The following KCNIP4 variants were observed in gnomAD, a reference collection of about 807,000 sequenced individuals.
KCNIP4 encodes the protein Kv channel-interacting protein 4.
Under a neutral mutation model 34.0 loss-of-function variants are expected in KCNIP4, and 12 were observed. That is an observed-to-expected ratio of 0.35 (90% CI 0.23 to 0.57). KCNIP4 has a LOEUF of 0.57. Ranked by LOEUF, KCNIP4 falls within the 20% of genes least tolerant of loss-of-function variation. KCNIP4 has a pLI of 0.83. For missense variants in KCNIP4, 238 were observed against 311.7 expected (o/e 0.76, Z 1.78); for synonymous variants, 124 against 102.2 (o/e 1.21, Z -1.29).
intron 1 of KCNIP4, among the ~76,000 whole-genome samples, chr4:21,723,150 A>T (rs145543643): frequency 1.3e-5 from 2 of 152,252 alleles, no homozygotes; most frequent in East Asian, 3.9e-4. Context: ...CCAAGATATG[A>T]TTTCACATAG....
At chr4:21,782,195 G>A (rs1001567232) in intron 1 of KCNIP4, among the ~76,000 whole-genome samples, 3 of 152,154 alleles carry the variant, frequency 2.0e-5, no homozygotes, top group African/African-American at 7.2e-5. Flanking sequence ...ACTACAAGCT[G>A]TCTACAAGGA....
At chr4:21,420,900 G>GTTTC (rs1190745034) in intron 1 of KCNIP4, among the ~76,000 whole-genome samples, 4 of 152,130 alleles carry the variant, frequency 2.6e-5, no homozygotes, top group African/African-American at 9.7e-5. Context: ...TTGATAAGGG[G>GTTTC]TTAATATCAC....
intron 1 of KCNIP4, among the ~76,000 whole-genome samples, chr4:21,691,130 T>C (rs1475103843): frequency 1.3e-5 from 2 of 152,152 alleles, no homozygotes; most frequent in African/African-American, 2.4e-5. Flanking sequence ...CAGTGGTGAG[T>C]GAATATAAAA....
intron 1 of KCNIP4, among the ~76,000 whole-genome samples, chr4:21,924,967 C>A (rs1729152932): frequency 6.6e-6 from 1 of 152,132 alleles, no homozygotes; most frequent in Non-Finnish European, 1.5e-5. Flanking sequence ...CTCTAGCATG[C>A]ATTTTCCTAA....
At chr4:21,493,151 C>G (rs1003545788) in intron 1 of KCNIP4, among the ~76,000 whole-genome samples, 9 of 150,920 alleles carry the variant, frequency 6.0e-5, no homozygotes, top group African/African-American at 9.7e-5. Context: ...ATGGGGCCAT[C>G]TGTAGTGCAT....
At chr4:20,922,409 G>A (rs187932323) in intron 1 of KCNIP4, among the ~76,000 whole-genome samples, 28 of 152,222 alleles carry the variant, frequency 1.8e-4, no homozygotes, top group South Asian at 4.2e-4. Context: ...ACATTGTAGC[G>A]TCTGGTTCGT....
At chr4:21,479,331 AATTT>A (rs1416637251) in intron 1 of KCNIP4, among the ~76,000 whole-genome samples, 1 of 152,202 alleles carries the variant, frequency 6.6e-6, no homozygotes, top group African/African-American at 2.4e-5. Context: ...AGCTAAAAAC[AATTT>A]ATTTAGCACT....
chr4:21,381,188 A>G (rs1282969602), intron 1 of KCNIP4, among the ~76,000 whole-genome samples: 1 of 152,170 alleles, frequency 6.6e-6, no homozygotes, highest in Non-Finnish European at 1.5e-5. Context: ...CAGTTACCCC[A>G]CTGGCTTTAT....
intron 1 of KCNIP4, among the ~76,000 whole-genome samples, chr4:21,363,569 G>T (rs150175137): frequency 6.6e-6 from 1 of 152,002 alleles, no homozygotes; most frequent in Non-Finnish European, 1.5e-5. Context: ...TAGCTCTTTG[G>T]GAAGTAGGCA....
intron 3 of KCNIP4, among the ~76,000 whole-genome samples, chr4:20,838,859 A>G (rs989058075): frequency 6.6e-6 from 1 of 152,212 alleles, no homozygotes; most frequent in African/African-American, 2.4e-5. Flanking sequence ...AAGTCTTTAG[A>G]AAGACTTGTA....
chr4:21,229,396 T>A lies in KCNIP4; in HGVS notation c.62-346687A>T, dbSNP rs112210678. ...TGGTGATTTGTAGGCACATCACTTATCATCCATGTAGGCTCTCTGAGGTCA... is the reference window on the plus strand; with the variant it reads ...TGGTGATTTGTAGGCACATCACTTAACATCCATGTAGGCTCTCTGAGGTCA... On this transcript the variant is annotated intron_variant, in intron 1 of 8. Coordinates refer to ENST00000382152, the MANE Select transcript of KCNIP4 (RefSeq NM_025221.6). Among the ~76,000 whole-genome samples, 2 of 152,330 alleles carry A rather than the reference T, an allele frequency of 1.3e-5. 1 individual carries two copies. The highest frequency in any genetic ancestry group is 4.8e-5 in the African/African-American group (2 of 41,588).
chr4:20,941,155 T>A (rs919386116), intron 1 of KCNIP4, among the ~76,000 whole-genome samples: 2 of 152,192 alleles, frequency 1.3e-5, no homozygotes, highest in African/African-American at 4.8e-5. Context: ...AACACATGTT[T>A]CAGTATTTAA....
In KCNIP4 at chr4:20,841,748, TAA is replaced by T. The variant is rs33945225; in HGVS notation, c.288+8793_288+8794del. Reference sequence around the variant, plus strand: ...TTAGAGTAGCCCTCCAGGGCCATCTTAAAAAAAAAAAATCAATGCTTTGTTTG... The same window carrying T: ...TTAGAGTAGCCCTCCAGGGCCATCTTAAAAAAAAAATCAATGCTTTGTTTG... On this transcript the variant is annotated intron_variant, in intron 3 of 8. Coordinates refer to ENST00000382152, the MANE Select transcript of KCNIP4 (RefSeq NM_025221.6). 1.9e-3 allele frequency among the ~76,000 whole-genome samples: 280 copies of T among 149,784 alleles called. 2 individuals carry two copies. Among genetic ancestry groups the T allele is most frequent in the Middle Eastern group, 6.8e-3 (2 of 294 alleles).
intron 1 of KCNIP4, among the ~76,000 whole-genome samples, chr4:21,782,140 C>A (rs183450181): frequency 1.1e-3 from 161 of 152,132 alleles, no homozygotes; most frequent in Non-Finnish European, 2.1e-3. Context: ...TCTAAATACA[C>A]CAAGTAAAAG....
Position 21,694,709 on chromosome 4 carries a change from C to T in KCNIP4, c.61+253862G>A, listed in dbSNP as rs145161408. Among the ~76,000 whole-genome samples, 680 of 152,014 alleles carry T rather than the reference C, an allele frequency of 4.5e-3. 7 individuals are homozygous for T. The highest frequency in any genetic ancestry group is 0.016 in the African/African-American group (648 of 41,514). On this transcript the variant is annotated intron_variant, in intron 1 of 8. Coordinates refer to ENST00000382152, the MANE Select transcript of KCNIP4 (RefSeq NM_025221.6). The stretch of plus-strand genomic sequence containing the variant: ...ACAAAAGGAAATTGCTTTTCTGTAA[C>T]TTGTGATAACACTAATAAGACAAAT...
chr4:20,816,216 T>A (rs1461768254), intron 3 of KCNIP4, among the ~76,000 whole-genome samples: 1 of 147,588 alleles, frequency 6.8e-6, no homozygotes, highest in African/African-American at 2.5e-5. Flanking sequence ...ATTGCACCCC[T>A]GCACTCCAGC....
At chr4:20,919,552 A>C (rs1032921917) in intron 1 of KCNIP4, among the ~76,000 whole-genome samples, 3 of 151,836 alleles carry the variant, frequency 2.0e-5, no homozygotes, top group African/African-American at 7.3e-5. Flanking sequence ...AAATACAAAA[A>C]ATTAGCTGGG....
At chr4:21,553,376 C>A (rs535754193) in intron 1 of KCNIP4, among the ~76,000 whole-genome samples, 11 of 152,056 alleles carry the variant, frequency 7.2e-5, no homozygotes, top group African/African-American at 2.7e-4. Flanking sequence ...ATAAAAATAC[C>A]GGCTGTAATA....
intron 1 of KCNIP4, among the ~76,000 whole-genome samples, chr4:21,773,524 T>G (rs1324678816): frequency 6.6e-6 from 1 of 152,190 alleles, no homozygotes; most frequent in Non-Finnish European, 1.5e-5. Context: ...GGTATTAAAG[T>G]CTCCCACTAT....
Sources: gnomAD v4.1 joint callset for allele counts (sites outside exome capture counted in the v4.1 genomes callset) on GRCh38, gnomAD v4.1.1 for gene constraint, MANE v1.5 for transcripts, NCBI Gene and HGNC (gene_info 2026-07-23, HGNC 2026-07-21) for gene names.